Variants in MAP2K4 observed in about 807,000 individuals in gnomAD.
MAP2K4 encodes dual specificity mitogen-activated protein kinase kinase 4.
MAP2K4 carries 4 observed loss-of-function variants against 48.5 expected under a neutral mutation model. The ratio of observed to expected loss-of-function variants is 0.08; its 90% CI spans 0.04 to 0.19. The LOEUF is 0.19. Ranked by LOEUF, MAP2K4 falls within the 10% of genes least tolerant of loss-of-function variation. The probability of loss-of-function intolerance (pLI) is 1.00; values close to 1 mark genes in which losing one functional copy is unlikely to be tolerated. For synonymous variants in MAP2K4, 166 were observed against 173.1 expected (o/e 0.96, Z 0.32); for missense variants, 258 against 493.3 (o/e 0.52, Z 4.52).
At chr17:12,053,938 T>G (rs769765723) in intron 1 of MAP2K4, among the ~76,000 whole-genome samples, 16 of 152,058 alleles carry the variant, frequency 1.1e-4, no homozygotes, top group Admixed American at 3.9e-4. Flanking sequence ...AGAGAGTGAG[T>G]TCAGGAAAAA....
intron 4 of MAP2K4, among the ~76,000 whole-genome samples, chr17:12,096,430 G>A (rs1971762469): frequency 6.6e-6 from 1 of 152,138 alleles, no homozygotes; most frequent in Non-Finnish European, 1.5e-5. Context: ...TGGGCTAGGG[G>A]TAGAACTGGA....
intron 2 of MAP2K4, among the ~76,000 whole-genome samples, chr17:12,066,002 G>C (rs562570741): frequency 6.6e-6 from 1 of 152,226 alleles, no homozygotes; most frequent in Non-Finnish European, 1.5e-5. Context: ...AGTTTCTTTT[G>C]AGAATTATTC....
At chr17:12,094,869 C>T (rs1971682519) in intron 3 of MAP2K4, among the ~76,000 whole-genome samples, 1 of 152,182 alleles carries the variant, frequency 6.6e-6, no homozygotes, top group African/African-American at 2.4e-5. Flanking sequence ...AAAAAGAGCC[C>T]TCTGTTTCCT....
chr17:12,117,542 C>G (rs915100878), intron 7 of MAP2K4, among the ~76,000 whole-genome samples: 1 of 152,132 alleles, frequency 6.6e-6, no homozygotes, highest in South Asian at 2.1e-4. Flanking sequence ...GTGCTAATGA[C>G]AGGTTCCACA....
At chr17:12,065,924 G>A (rs540480884) in intron 2 of MAP2K4, among the ~76,000 whole-genome samples, 1 of 152,180 alleles carries the variant, frequency 6.6e-6, no homozygotes, top group South Asian at 2.1e-4. Flanking sequence ...TTTTATTTCT[G>A]CCCATGTGGT....
intron 7 of MAP2K4, among the ~76,000 whole-genome samples, chr17:12,121,957 T>C (rs1972708545): frequency 6.6e-6 from 1 of 152,234 alleles, no homozygotes; most frequent in Admixed American, 6.5e-5. Flanking sequence ...TAGTTTTCAG[T>C]GTGCAGCTTT....
chr17:12,045,207 T>C (rs1969925256), intron 1 of MAP2K4, among the ~76,000 whole-genome samples: 1 of 152,154 alleles, frequency 6.6e-6, no homozygotes, highest in African/African-American at 2.4e-5. Context: ...TATGCACATA[T>C]AAAAAAGGTT....
intron 2 of MAP2K4, among the ~76,000 whole-genome samples, chr17:12,073,510 T>C (rs1431754394): frequency 6.6e-6 from 1 of 152,156 alleles, no homozygotes; most frequent in East Asian, 1.9e-4. Context: ...GCCTTAGATA[T>C]CTCAAATCTG....
At chr17:12,091,918 T>G (rs1971576159) in intron 3 of MAP2K4, among the ~76,000 whole-genome samples, 2 of 152,166 alleles carry the variant, frequency 1.3e-5, no homozygotes, top group Admixed American at 6.5e-5. Flanking sequence ...CTGAAAATAC[T>G]TTTTATTATT....
chr17:12,063,699 G>A (rs981076232), intron 2 of MAP2K4, among the ~76,000 whole-genome samples: 6 of 151,990 alleles, frequency 3.9e-5, no homozygotes, highest in South Asian at 2.1e-4. Flanking sequence ...AAGGCCAGGC[G>A]CAGTGGCTCA....
chr17:12,040,123 T>G (rs142265869), intron 1 of MAP2K4, among the ~76,000 whole-genome samples: 1 of 152,184 alleles, frequency 6.6e-6, no homozygotes, highest in Admixed American at 6.5e-5. Flanking sequence ...GCCAGTGTGA[T>G]CCATATAGTG....
intron 7 of MAP2K4, among the ~76,000 whole-genome samples, chr17:12,118,786 A>C (rs961107196): frequency 1.3e-5 from 2 of 152,234 alleles, no homozygotes. Flanking sequence ...AGGATGTCAT[A>C]CATGCTGTTG....
rs568998462 is a variant in MAP2K4, at chr17:12,057,225, G to T, written c.218+2234G>T. Among the ~76,000 whole-genome samples the T allele has an allele frequency of 2.0e-4, 31 of 152,264 alleles. No homozygotes were observed. In the East Asian group the frequency reaches 3.9e-3, roughly 19 times the overall value. On this transcript the variant is annotated intron_variant, in intron 2 of 10. Transcript: ENST00000353533. ...ATATGGATTGAATGTCAAATTAAAGGTGTACAAGGGGTAAATCATTTTAGA... is the reference window on the plus strand; with the variant it reads ...ATATGGATTGAATGTCAAATTAAAGTTGTACAAGGGGTAAATCATTTTAGA...
rs574182995 is a variant in MAP2K4 at position 12,131,167 on chromosome 17, A to G, written c.1040+1880A>G. ...TATAGAGACTTCCTCTTGTCCTTAA[A>G]ATTAATTAATTTAGGCTTTCAGAAC... On this transcript the variant is annotated intron_variant, in intron 9 of 10. Transcript: ENST00000353533. 4.5e-4 allele frequency among the ~76,000 whole-genome samples: 68 copies of G among 152,042 alleles called. 2 individuals carry two copies. The highest frequency in any genetic ancestry group is 1.2e-4 in the Non-Finnish European group (8 of 68,010).
intron 2 of MAP2K4, among the ~76,000 whole-genome samples, chr17:12,069,141 T>C (rs930664578): frequency 2.0e-5 from 3 of 152,216 alleles, no homozygotes; most frequent in Non-Finnish European, 1.5e-5. Context: ...CTATGTCTAA[T>C]GTTCTGAGAA....
intron 1 of MAP2K4, among the ~76,000 whole-genome samples, chr17:12,030,520 G>T (rs991517584): frequency 1.3e-5 from 2 of 152,146 alleles, no homozygotes; most frequent in African/African-American, 2.4e-5. Flanking sequence ...CAGGTTTTGA[G>T]AATTTTTTAA....
intron 2 of MAP2K4, among the ~76,000 whole-genome samples, chr17:12,061,246 T>G (rs1970441672): frequency 6.6e-6 from 1 of 152,246 alleles, no homozygotes; most frequent in Admixed American, 6.5e-5. Context: ...TTGGGTTGTT[T>G]GTACCTTTTG....
chr17:12,086,605 T>C (rs1047659653), intron 3 of MAP2K4, among the ~76,000 whole-genome samples: 1 of 152,180 alleles, frequency 6.6e-6, no homozygotes, highest in East Asian at 1.9e-4. Context: ...CCTGCAGCCA[T>C]ATTGGAAGCC....
intron 2 of MAP2K4, among the ~76,000 whole-genome samples, chr17:12,080,680 C>G (rs1971160906): frequency 6.6e-6 from 1 of 152,164 alleles, no homozygotes; most frequent in Non-Finnish European, 1.5e-5. Context: ...ATTCAGTTAA[C>G]TGTTCTCCCA....
Sources: allele counts gnomAD v4.1 joint callset (sites outside exome capture counted in the v4.1 genomes callset), GRCh38; gene constraint gnomAD v4.1.1; transcripts MANE v1.5; gene names NCBI Gene and HGNC (gene_info 2026-07-23, HGNC 2026-07-21).